The following ARAP2 variants were observed in gnomAD, a reference collection of about 807,000 sequenced individuals.
The protein encoded by ARAP2 is ArfGAP with RhoGAP domain, ankyrin repeat and PH domain 2, also known as arf-GAP with Rho-GAP domain, ANK repeat and PH domain-containing protein 2.
A neutral mutation model predicts 194.5 loss-of-function variants in ARAP2; 148 were observed. That is an observed-to-expected ratio of 0.76 (90% confidence interval 0.67 to 0.87). ARAP2 has a LOEUF of 0.87. ARAP2 is among the 40% of genes least tolerant of loss of function. The pLI is 0.00. For synonymous variants in ARAP2, 695 were observed against 683.5 expected (o/e 1.02, Z -0.26); for missense variants, 2,128 against 1,989.7 (o/e 1.07, Z -1.32).
intron 10 of ARAP2, 130 bp from the exon 11 acceptor site, chr4:36,165,243 T>G: frequency 2.6e-6 from 2 of 781,038 alleles, no homozygotes; most frequent in Non-Finnish European, 4.0e-6. Flanking sequence ...TAGGCAGTTC[T>G]GGGTTGTCTT....
chr4:36,006,686 A>G (rs1713341055), intron 10 of ARAP2: 1 of 152,186 alleles, frequency 6.6e-6, no homozygotes, highest in African/African-American at 2.4e-5. Context: ...TATTAAAAAA[A>G]TCTGCTCTAT....
At chr4:36,162,933 T>C (rs1734434876) in intron 11 of ARAP2, among the ~76,000 whole-genome samples, 1 of 152,136 alleles carries the variant, frequency 6.6e-6, no homozygotes, top group South Asian at 2.1e-4. Flanking sequence ...GTGTGCAGCG[T>C]AGACAGTATT....
At chr4:36,118,575 A>G (rs1034908055) in intron 24 of ARAP2, among the ~76,000 whole-genome samples, 1 of 151,382 alleles carries the variant, frequency 6.6e-6, no homozygotes, top group Non-Finnish European at 1.5e-5. Context: ...ATATGAATAT[A>G]AAAGATAAAA....
chr4:36,244,043 A>T (rs895538822), intron 1 of ARAP2, 136 bp downstream of exon 1: 1 of 152,184 alleles, frequency 6.6e-6, no homozygotes, highest in Admixed American at 6.5e-5. Flanking sequence ...CAAGGGGCGG[A>T]CACCAGAGCC....
At chr4:36,206,081 C>T (rs1227423054) in intron 6 of ARAP2, among the ~76,000 whole-genome samples, 2 of 152,174 alleles carry the variant, frequency 1.3e-5, no homozygotes, top group Non-Finnish European at 2.9e-5. Flanking sequence ...TCACCGCAGC[C>T]CCAAGAAAGC....
At chr4:36,121,888 T>C (rs971615055) in intron 22 of ARAP2, among the ~76,000 whole-genome samples, 2 of 151,752 alleles carry the variant, frequency 1.3e-5, no homozygotes, top group African/African-American at 4.8e-5. Flanking sequence ...TACTTTAAAA[T>C]GCAATTACAT....
chr4:36,210,305 G>C (rs554218303), intron 6 of ARAP2, 85 bp downstream of exon 6: 1 of 1,277,772 alleles, frequency 7.8e-7, no homozygotes, highest in East Asian at 2.5e-5. Flanking sequence ...TGGAGTGGGG[G>C]AACAGCAACC....
intron 2 of ARAP2, among the ~76,000 whole-genome samples, chr4:36,216,723 G>A (rs926717508): frequency 6.6e-6 from 1 of 151,772 alleles, no homozygotes; most frequent in African/African-American, 2.4e-5. Flanking sequence ...CTACTACCCA[G>A]CTGAAAGAAA....
At chr4:36,071,340 T>A (rs530270263) in intron 32 of ARAP2, among the ~76,000 whole-genome samples, 3 of 152,296 alleles carry the variant, frequency 2.0e-5, no homozygotes, top group African/African-American at 7.2e-5. Context: ...TATCCATGAT[T>A]TTACAGGGAC....
At chr4:36,132,665 T>C (rs181951236) in intron 20 of ARAP2, among the ~76,000 whole-genome samples, 127 of 151,956 alleles carry the variant, frequency 8.4e-4, no homozygotes, top group Non-Finnish European at 1.2e-3. Context: ...TGGACCATGG[T>C]ACAGATCAAT....
intron 32 of ARAP2, among the ~76,000 whole-genome samples, chr4:36,069,928 C>T (rs908168697): frequency 7.9e-5 from 12 of 152,020 alleles, no homozygotes; most frequent in African/African-American, 2.9e-4. Flanking sequence ...GTGTGTAGCA[C>T]CTTTCCCCCC....
At chr4:36,128,295 T>C (rs187961598) in intron 21 of ARAP2, among the ~76,000 whole-genome samples, 190 of 152,040 alleles carry the variant, frequency 1.2e-3, no homozygotes, top group Non-Finnish European at 1.9e-3. Flanking sequence ...ACTAAGTATA[T>C]ACCAAACGAT....
intron 18 of ARAP2, 89 bp downstream of exon 18, chr4:36,147,459 G>T: frequency 1.3e-6 from 2 of 1,560,660 alleles, no homozygotes; most frequent in Non-Finnish European, 1.8e-6. Context: ...AAGTTTGGGA[G>T]TAAGCCATCA....
chr4:36,102,728 A>C (rs1344469741), intron 27 of ARAP2, among the ~76,000 whole-genome samples: 1 of 152,004 alleles, frequency 6.6e-6, no homozygotes, highest in Admixed American at 6.6e-5. Context: ...TCATACATTT[A>C]AAATTTCTGT....
chr4:36,204,234 A>G (rs1264069190), intron 6 of ARAP2, among the ~76,000 whole-genome samples: 1 of 152,224 alleles, frequency 6.6e-6, no homozygotes. Context: ...GCTATGTATA[A>G]AGTATCAAAA....
At chr4:36,065,926 A>G (rs1725341883), downstream of ARAP2, 1 of 152,260 alleles carries the variant, frequency 6.6e-6, no homozygotes, top group African/African-American at 2.4e-5. Context: ...TTTTTTAAAA[A>G]GAAAAGAAAG....
chr4:36,090,455 GAA>G (rs1426436927), intron 28 of ARAP2, among the ~76,000 whole-genome samples: 2 of 151,956 alleles, frequency 1.3e-5, no homozygotes, highest in East Asian at 3.9e-4. Context: ...CAACAAAAAA[GAA>G]AACCTCAGTC....
intron 9 of ARAP2, among the ~76,000 whole-genome samples, chr4:36,174,562 ACAATGTGTGTTTTT>A (rs1290802102): frequency 6.6e-6 from 1 of 152,200 alleles, no homozygotes; most frequent in Non-Finnish European, 1.5e-5. Flanking sequence ...GCAGTGTTTT[ACAATGTGTGTTTTT>A]GGCTCATCCA....
intron 1 of ARAP2, among the ~76,000 whole-genome samples, chr4:36,237,890 C>G (rs1032833401): frequency 3.3e-5 from 5 of 152,184 alleles, no homozygotes; most frequent in African/African-American, 1.2e-4. Context: ...TTCAACTTAA[C>G]TCTTTCCAAG....
Sources: allele counts gnomAD v4.1 joint callset (sites outside exome capture counted in the v4.1 genomes callset), GRCh38; gene constraint gnomAD v4.1.1; transcripts MANE v1.5; gene names NCBI Gene and HGNC (gene_info 2026-07-23, HGNC 2026-07-21).